The following CACNA1E variants were observed in gnomAD, a reference collection of about 807,000 sequenced individuals.
CACNA1E encodes calcium voltage-gated channel subunit alpha1 E.
In CACNA1E, 40 loss-of-function variants were observed where a neutral mutation model predicts 259.2. That is an observed-to-expected ratio of 0.15 (90% CI 0.12 to 0.20). The LOEUF is 0.20. Ranked by LOEUF, CACNA1E falls within the 10% of genes least tolerant of loss-of-function variation. The pLI is 1.00. For missense variants in CACNA1E, 1,874 were observed against 3,040.1 expected (o/e 0.62, Z 9.02); for synonymous variants, 1,104 against 1,138.5 (o/e 0.97, Z 0.61).
intron 3 of CACNA1E, among the ~76,000 whole-genome samples, chr1:181,567,913 A>G (rs1650004676): frequency 6.6e-6 from 1 of 152,178 alleles, no homozygotes; most frequent in African/African-American, 2.4e-5. Flanking sequence ...TGTTTTATGA[A>G]ACATTATGTA....
chr1:181,494,166 T>A (rs1162851579), intron 1 of CACNA1E, among the ~76,000 whole-genome samples: 6 of 152,246 alleles, frequency 3.9e-5, no homozygotes, highest in African/African-American at 1.4e-4. Context: ...ATTTATTACT[T>A]TGTTGTATCA....
At chr1:181,325,204 A>G (rs142731954) in intron 1 of CACNA1E, among the ~76,000 whole-genome samples, 22 of 152,330 alleles carry the variant, frequency 1.4e-4, no homozygotes, top group African/African-American at 5.3e-4. Context: ...GGAGGTGTGA[A>G]TCACTCAACT....
At chr1:181,475,974 TG>T (rs1469575106) in intron 2 of CACNA1E, among the ~76,000 whole-genome samples, 1 of 152,010 alleles carries the variant, frequency 6.6e-6, no homozygotes, top group Non-Finnish European at 1.5e-5. Context: ...GGAAAGGGGT[TG>T]GGGACAGACC....
At chr1:181,424,345 T>G (rs1658995827) in intron 2 of CACNA1E, among the ~76,000 whole-genome samples, 1 of 152,214 alleles carries the variant, frequency 6.6e-6, no homozygotes, top group Non-Finnish European at 1.5e-5. Context: ...GCACACACCC[T>G]TGAATTTTCC....
Position 181,693,148 on chromosome 1 carries a change from AAAC to A in CACNA1E, c.1056-17801_1056-17799del, listed in dbSNP as rs1383505920. On this transcript the variant is annotated intron_variant, in intron 7 of 47. Transcript: ENST00000367573. ...TAAAGCAAAAAAAAAAAAAAAAAAA[AAAC>A]AACAGATGCTAGCAAGGCTGCAGAG... 4.6e-3 allele frequency among the ~76,000 whole-genome samples: 663 copies of A among 145,532 alleles called. 6 individuals carry two copies. The highest frequency in any genetic ancestry group is 0.016 in the African/African-American group (619 of 39,660).
intron 25 of CACNA1E, among the ~76,000 whole-genome samples, chr1:181,742,562 T>C (rs753173857): frequency 4.6e-5 from 7 of 152,172 alleles, no homozygotes; most frequent in Non-Finnish European, 5.9e-5. Context: ...GTGGTTGCCA[T>C]GGTAGCATCT....
chr1:181,455,402 C>G (rs1661396898), intron 2 of CACNA1E, among the ~76,000 whole-genome samples: 1 of 152,132 alleles, frequency 6.6e-6, no homozygotes, highest in Non-Finnish European at 1.5e-5. Context: ...GGGAGGCTTC[C>G]TCTTGAGAGG....
At position 181,784,721 on chromosome 1, in the gene CACNA1E, C is replaced by T; in HGVS notation, c.5531C>T (p.Pro1844Leu). The T allele has an allele frequency of 6.3e-7, 1 of 1,588,514 alleles. No homozygotes were observed. The highest frequency in any genetic ancestry group is 1.2e-5 in the South Asian group (1 of 86,712). ...CAAAAGGAGACCCTAGCCATCTGGC[C>T]TCACCTATCCCAGAAGATGCTGGAT... is the stretch of plus-strand genomic sequence containing the variant. ...ELQKETLAIW[P>L]HLSQKMLDLL... The change falls in exon 41 of 48, where the codon CCT (proline) becomes CTT (leucine). Residue 1844 changes from proline (P) to leucine (L), a missense_variant. This residue lies in a region of CACNA1E where 147 missense variants were observed against 337.1 expected (regional missense o/e 0.44). Transcript: ENST00000367573.
chr1:181,320,804 G>A (rs1380998432), intron 1 of CACNA1E, among the ~76,000 whole-genome samples: 1 of 152,128 alleles, frequency 6.6e-6, no homozygotes, highest in Non-Finnish European at 1.5e-5. Context: ...CTTAACTCAT[G>A]TTACCCCCGT....
At chr1:181,789,480 G>C in intron 43 of CACNA1E, among the ~76,000 whole-genome samples, 1 of 151,976 alleles carries the variant, frequency 6.6e-6, no homozygotes, top group Non-Finnish European at 1.5e-5. Flanking sequence ...AAAAGAGATG[G>C]TGTCCCATCT....
chr1:181,797,421 G>A (rs941484853), intron 47 of CACNA1E, among the ~76,000 whole-genome samples: 1 of 152,148 alleles, frequency 6.6e-6, no homozygotes, highest in East Asian at 1.9e-4. Flanking sequence ...ATGGCATTTT[G>A]ACCCATAATA....
At chr1:181,754,972 A>G (rs915293545) in intron 27 of CACNA1E, among the ~76,000 whole-genome samples, 1 of 152,216 alleles carries the variant, frequency 6.6e-6, no homozygotes, top group Non-Finnish European at 1.5e-5. Flanking sequence ...TCCTTGCTTG[A>G]TATCATCTGA....
At chr1:181,489,479 G>A (rs904652121) in intron 1 of CACNA1E, among the ~76,000 whole-genome samples, 3 of 152,196 alleles carry the variant, frequency 2.0e-5, no homozygotes, top group Non-Finnish European at 4.4e-5. Context: ...GTTTTCTGCA[G>A]TGGGACTGTC....
chr1:181,598,457 C>T (rs1653421574), intron 6 of CACNA1E, among the ~76,000 whole-genome samples: 1 of 152,030 alleles, frequency 6.6e-6, no homozygotes, highest in African/African-American at 2.4e-5. Flanking sequence ...GAGATCAGGA[C>T]CTGGGCAGAA....
At chr1:181,514,041 A>G (rs892236152) in intron 3 of CACNA1E, among the ~76,000 whole-genome samples, 3 of 152,138 alleles carry the variant, frequency 2.0e-5, no homozygotes, top group African/African-American at 7.2e-5. Context: ...TCATGGGTGA[A>G]TGTGCTCCAG....
At chr1:181,744,049 C>T (rs537440352) in intron 25 of CACNA1E, among the ~76,000 whole-genome samples, 4 of 152,212 alleles carry the variant, frequency 2.6e-5, no homozygotes, top group African/African-American at 9.6e-5. Flanking sequence ...GGCTCACAGC[C>T]GCACTTGGCC....
At chr1:181,662,714 G>C (rs1647809210) in intron 7 of CACNA1E, among the ~76,000 whole-genome samples, 1 of 147,362 alleles carries the variant, frequency 6.8e-6, no homozygotes. Flanking sequence ...AGTAGGTGGG[G>C]CTGGGAAAGA....
chr1:181,418,484 A>C (rs1462307784), intron 2 of CACNA1E, among the ~76,000 whole-genome samples: 1 of 152,162 alleles, frequency 6.6e-6, no homozygotes, highest in Non-Finnish European at 1.5e-5. Context: ...TTTGGTTAGC[A>C]TCGTATACTG....
chr1:181,511,950 C>T (rs998956912), intron 3 of CACNA1E, among the ~76,000 whole-genome samples: 5 of 152,202 alleles, frequency 3.3e-5, no homozygotes, highest in Non-Finnish European at 7.3e-5. Context: ...AAGACCTCAG[C>T]CATATTTTCT....
Sources: gnomAD v4.1 joint callset for allele counts (sites outside exome capture counted in the v4.1 genomes callset) on GRCh38, gnomAD v4.1.1 for gene constraint, gnomAD v4.1.1 regional missense constraint, MANE v1.5 for transcripts, NCBI Gene and HGNC (gene_info 2026-07-23, HGNC 2026-07-21) for gene names.